The following NADK2 variants were observed in gnomAD, a reference collection of about 807,000 sequenced individuals.
NADK2 encodes NAD kinase 2, mitochondrial.
NADK2 carries 35 observed loss-of-function variants against 62.1 expected under a neutral mutation model. The observed-to-expected ratio is 0.56, with a 90% CI of 0.43 to 0.75. The LOEUF is 0.75. NADK2 is among the 30% of genes least tolerant of loss of function. NADK2 has a pLI of 0.00. For synonymous variants in NADK2, 205 were observed against 207.9 expected, an observed-to-expected ratio of 0.99 and a Z score of 0.12; for missense variants, 439 against 561.3, an observed-to-expected ratio of 0.78 and a Z score of 2.20.
At chr5:36,235,785 A>T (rs577569324) in intron 1 of NADK2, among the ~76,000 whole-genome samples, 3 of 152,184 alleles carry the variant, frequency 2.0e-5, no homozygotes, top group African/African-American at 7.2e-5. Flanking sequence ...TCATTTAGGA[A>T]GAGGAGAGCC....
intron 6 of NADK2, among the ~76,000 whole-genome samples, chr5:36,214,329 C>T (rs936007266): frequency 2.6e-5 from 4 of 152,060 alleles, no homozygotes; most frequent in African/African-American, 4.8e-5. Context: ...TACAGGCATG[C>T]GCCACCACGC....
intron 7 of NADK2, among the ~76,000 whole-genome samples, chr5:36,208,211 G>T (rs1746709436): frequency 1.3e-5 from 2 of 152,044 alleles, no homozygotes. Context: ...ATTTGTAAGG[G>T]TTTTGCATAA....
rs11397432 is a variant in NADK2, at chr5:36,206,311, TAAA to T, written c.956+856_956+858del. Among the ~76,000 whole-genome samples the T allele has an allele frequency of 5.5e-5, 8 of 144,662 alleles. No homozygotes were observed. The East Asian group carries it at 1.6e-3, about 29-fold the overall frequency. The allele number at this position is 144,662 out of a possible 152,430, so 94.9% of individuals were successfully genotyped here. The stretch of plus-strand genomic sequence containing the variant: ...GTATAATAATAATTTTTTTTAAAGT[TAAA>T]AAAAAAAAAGGAATATTACTCTGTT... On this transcript the variant is annotated intron_variant, in intron 8 of 11. Coordinates refer to ENST00000381937, the MANE Select transcript of NADK2 (RefSeq NM_001085411.3).
chr5:36,224,567 A>G (rs1484766178), intron 4 of NADK2, among the ~76,000 whole-genome samples: 1 of 151,822 alleles, frequency 6.6e-6, no homozygotes, highest in Non-Finnish European at 1.5e-5. Context: ...AAAAAAAAAA[A>G]AAAAGAAAGA....
At chr5:36,209,588 G>A (rs561286341) in intron 7 of NADK2, among the ~76,000 whole-genome samples, 1 of 152,030 alleles carries the variant, frequency 6.6e-6, no homozygotes, top group Non-Finnish European at 1.5e-5. Flanking sequence ...TAACTAGATT[G>A]TATCAGTAGA....
intron 2 of NADK2, 42 bp from the exon 3 acceptor site, chr5:36,226,605 A>AT: frequency 7.3e-7 from 1 of 1,365,950 alleles, no homozygotes; most frequent in Non-Finnish European, 1.0e-6. Context: ...TTCCACTAAT[A>AT]ATATATATAA....
At position 36,193,555 on chromosome 5, in the gene NADK2, T is replaced by TATC. The variant is rs1319818022; in HGVS notation, c.*1586_*1588dup. The TATC allele has an allele frequency of 7.6e-6, 1 of 131,038 alleles. No homozygotes were observed. Among genetic ancestry groups the TATC allele is most frequent in the African/African-American group, 3.1e-5 (1 of 32,008 alleles). 8.1% of individuals were successfully genotyped at this position (131,038 alleles called of 1,614,324 possible). On this transcript the variant is annotated 3_prime_UTR_variant, in exon 12 of 12. Transcript: ENST00000381937. ...AGTATGGAGCTTCTTTATAAAGTGG[T>TATC]ATCTTATGTATATCAAAAAAAAAAA... is the stretch of plus-strand genomic sequence containing the variant.
At chr5:36,224,040 G>C (rs183186650) in intron 4 of NADK2, among the ~76,000 whole-genome samples, 26 of 152,206 alleles carry the variant, frequency 1.7e-4, no homozygotes, top group Middle Eastern at 3.4e-3. Flanking sequence ...AAGAAAGAAG[G>C]ATAAGGGAAG....
At position 36,241,196 on chromosome 5, in the gene NADK2, C is replaced by T. The variant is rs949556495; in HGVS notation, c.300+303G>A. 2.6e-5 allele frequency among the ~76,000 whole-genome samples: 4 copies of T among 152,196 alleles called. 1 individual carries two copies. In the South Asian group the frequency reaches 6.2e-4, roughly 24 times the overall value. ...CACCAACGAATCCTCAAACCCCTCA[C>T]TCTGAGGCCACTCGGCAGCCCCTCT... On this transcript the variant is annotated intron_variant, in intron 1 of 11. Coordinates refer to ENST00000381937, the MANE Select transcript of NADK2 (RefSeq NM_001085411.3). The surrounding 1 kb of genome is among the most constrained non-coding windows in gnomAD (Gnocchi z 4.9).
chr5:36,241,385 G>C lies in NADK2; in HGVS notation c.300+114C>G, dbSNP rs1748113223. 1 of 1,351,646 alleles carries C rather than the reference G, an allele frequency of 7.4e-7. No homozygotes were observed. The highest frequency in any genetic ancestry group is 1.6e-5 in the South Asian group (1 of 60,864). 83.7% of individuals were successfully genotyped at this position (1,351,646 alleles called of 1,614,324 possible). On this transcript the variant is annotated intron_variant, in intron 1 of 11. Coordinates refer to ENST00000381937, the MANE Select transcript of NADK2 (RefSeq NM_001085411.3). The surrounding 1 kb of genome is among the most constrained non-coding windows in gnomAD (Gnocchi z 4.9). ...TGGGGGCCGCGAGAGAGGCAGGACC[G>C]GCATCTGCGGTGCCCTGGGAAGAGT...
At chr5:36,224,530 C>T (rs71617746) in intron 4 of NADK2, among the ~76,000 whole-genome samples, 1 of 145,282 alleles carries the variant, frequency 6.9e-6, no homozygotes, top group Non-Finnish European at 1.5e-5. Flanking sequence ...GCACTCCAGC[C>T]TGGGCAACAG....
In NADK2 at chr5:36,197,381, G is replaced by A. The variant is rs16902801; in HGVS notation, c.1190+160C>T. On this transcript the variant is annotated intron_variant, in intron 11 of 11. Transcript: ENST00000381937. ...TGTAAAAGAAAATATGATTTTAGCC[G>A]GGTTAGCATGATACCTTGTTACTTT... Among the ~76,000 whole-genome samples, 569 of 152,058 alleles carry A rather than the reference G, an allele frequency of 3.7e-3. 32 individuals are homozygous for A. The East Asian group carries it at 0.096, about 26-fold the overall frequency.
At chr5:36,236,881 A>C (rs914547782) in intron 1 of NADK2, among the ~76,000 whole-genome samples, 1 of 148,230 alleles carries the variant, frequency 6.7e-6, no homozygotes, top group African/African-American at 2.4e-5. Context: ...AAAAAAAAAA[A>C]AAAAAACAGG....
rs573707561 is a variant in NADK2, at chr5:36,214,431, C to T, written c.782-2509G>A. The stretch of plus-strand genomic sequence containing the variant: ...CTGACCTCAGGTGATCTGCCCACCT[C>T]GGCCTCTCAAAGTGCTGGAATTACA... On this transcript the variant is annotated intron_variant, in intron 6 of 11. Coordinates refer to ENST00000381937, the MANE Select transcript of NADK2 (RefSeq NM_001085411.3). Among the ~76,000 whole-genome samples, 9 of 152,298 alleles carry T rather than the reference C, an allele frequency of 5.9e-5. No homozygotes were observed. The East Asian group carries it at 7.7e-4, about 13-fold the overall frequency.
rs1194380700 is a variant in NADK2 at position 36,197,633 on chromosome 5, G to A, written c.1098C>T (p.Tyr366=). The change falls in exon 11 of 12, where the codon TAC becomes TAT. Residue 366 remains tyrosine (Y), a synonymous_variant. Coordinates refer to ENST00000381937, the MANE Select transcript of NADK2 (RefSeq NM_001085411.3). Reference sequence around the variant, plus strand: ...AAAGTATTTTTGGTTCTTCCGGACTGTAGAGCAGTGATTCATTATATTCAT... The same window carrying A: ...AAAGTATTTTTGGTTCTTCCGGACTATAGAGCAGTGATTCATTATATTCAT... The part of the protein sequence containing the change: ...VTNEYNESLL[Y]SPEEPKILFS... 2.5e-6 allele frequency: 4 copies of A among 1,594,350 alleles called. No individual in the cohort carries two copies. In the African/African-American group the frequency reaches 4.1e-5, roughly 16 times the overall value.
At chr5:36,216,944 A>T (rs1255980070) in intron 6 of NADK2, among the ~76,000 whole-genome samples, 1 of 151,988 alleles carries the variant, frequency 6.6e-6, no homozygotes, top group Non-Finnish European at 1.5e-5. Context: ...TTTGGAGGAG[A>T]ACCTTTAAAA....
At chr5:36,207,893 T>G (rs1213604874) in intron 7 of NADK2, among the ~76,000 whole-genome samples, 1 of 152,102 alleles carries the variant, frequency 6.6e-6, no homozygotes, top group Non-Finnish European at 1.5e-5. Context: ...TTCATTAATA[T>G]GAAATCAAAT....
Position 36,241,630 on chromosome 5 carries a change from C to A in NADK2, c.169G>T (p.Gly57Cys), listed in dbSNP as rs1227454883. ...CCGCCGTCCGCGCGGCTGCCACAGC[C>A]CGCCAGCTCGCGCGGCTGCCCCTGC... is the stretch of plus-strand genomic sequence containing the variant. ...LGQGQPRELA[G>C]CGSRADGGFR... The change falls in exon 1 of 12, where the codon GGC becomes TGC. Residue 57 changes from glycine to cysteine, a missense_variant. Transcript: ENST00000381937. The surrounding 1 kb of genome is among the most constrained non-coding windows in gnomAD (Gnocchi z 4.9). 15 of 1,468,412 alleles carry A rather than the reference C, an allele frequency of 1.0e-5. No homozygotes were observed. Among genetic ancestry groups the A allele is most frequent in the Non-Finnish European group, 1.3e-5 (15 of 1,114,944 alleles). The allele number at this position is 1,468,412 out of a possible 1,614,324, so 91.0% of individuals were successfully genotyped here.
At position 36,197,672 on chromosome 5, in the gene NADK2, GAA is replaced by G; in HGVS notation, c.1067-10_1067-9del. On this transcript the variant is annotated splice_polypyrimidine_tract_variant and intron_variant, in intron 10 of 11. Coordinates refer to ENST00000381937, the MANE Select transcript of NADK2 (RefSeq NM_001085411.3). Reference sequence around the variant, plus strand: ...CATTATATTCATTTGTTACTACAAAGAAAAAAAAATTAGCACACTCAATAAAA... The same window carrying G: ...CATTATATTCATTTGTTACTACAAAGAAAAAAATTAGCACACTCAATAAAA... The G allele has an allele frequency of 1.3e-6, 2 of 1,509,404 alleles. No individual in the cohort carries two copies. The highest frequency in any genetic ancestry group is 8.8e-7 in the Non-Finnish European group (1 of 1,132,050). The allele number at this position is 1,509,404 out of a possible 1,614,324, so 93.5% of individuals were successfully genotyped here.
Sources: gnomAD v4.1 joint callset for allele counts (sites outside exome capture counted in the v4.1 genomes callset) on GRCh38, gnomAD v4.1.1 for gene constraint, Gnocchi (gnomAD v3.1) non-coding constraint, MANE v1.5 for transcripts, NCBI Gene and HGNC (gene_info 2026-07-23, HGNC 2026-07-21) for gene names.